ATP8A2: variants seen among roughly 807,000 people sequenced by gnomAD.
ATP8A2 encodes the protein ATPase phospholipid transporting 8A2, also known as phospholipid-transporting ATPase IB.
Under a neutral mutation model 165.6 loss-of-function variants are expected in ATP8A2, and 100 were observed. The observed-to-expected ratio is 0.60, with a 90% CI of 0.51 to 0.71. The LOEUF (loss-of-function observed/expected upper bound fraction) is 0.71. Among genes scored for constraint, ATP8A2 ranks in the 30% least tolerant of loss-of-function variants. The pLI, the probability that ATP8A2 is intolerant of heterozygous loss-of-function variation, is 0.00. For synonymous variants in ATP8A2, 543 were observed against 548.8 expected (o/e 0.99, Z 0.15); for missense variants, 1,227 against 1,479.5 (o/e 0.83, Z 2.80).
At chr13:25,392,015 C>T (rs1387145032) in intron 1 of ATP8A2, among the ~76,000 whole-genome samples, 1 of 152,180 alleles carries the variant, frequency 6.6e-6, no homozygotes, top group Non-Finnish European at 1.5e-5. Flanking sequence ...GCCAATTTGT[C>T]GCTGGGTCTG....
intron 35 of ATP8A2, among the ~76,000 whole-genome samples, chr13:26,007,864 T>C (rs373273188): frequency 7.9e-5 from 12 of 152,134 alleles, no homozygotes; most frequent in African/African-American, 2.9e-4. Flanking sequence ...AACAGAACCC[T>C]ATGCATAAAG....
At chr13:25,640,838 C>T (rs2041500433) in intron 24 of ATP8A2, among the ~76,000 whole-genome samples, 1 of 152,126 alleles carries the variant, frequency 6.6e-6, no homozygotes, top group Non-Finnish European at 1.5e-5. Flanking sequence ...TGATGAACAT[C>T]AATGCAAAAA....
chr13:25,794,683 T>C (rs1438179347), intron 27 of ATP8A2, among the ~76,000 whole-genome samples: 1 of 152,154 alleles, frequency 6.6e-6, no homozygotes, highest in Non-Finnish European at 1.5e-5. Context: ...GTATGCAAAC[T>C]ATATCTAAAA....
intron 2 of ATP8A2, among the ~76,000 whole-genome samples, chr13:25,471,828 G>A (rs2035853838): frequency 6.6e-6 from 1 of 152,188 alleles, no homozygotes; most frequent in African/African-American, 2.4e-5. Context: ...CAGTGGGTTG[G>A]TGAGGAATAA....
chr13:25,999,175 G>T (rs568190451), intron 35 of ATP8A2, among the ~76,000 whole-genome samples: 6 of 152,248 alleles, frequency 3.9e-5, no homozygotes, highest in African/African-American at 1.4e-4. Context: ...GCCCAGGATA[G>T]GTACTGTGAA....
chr13:25,562,385 C>G (rs1053076279), intron 15 of ATP8A2, among the ~76,000 whole-genome samples: 15 of 152,078 alleles, frequency 9.9e-5, no homozygotes, highest in Admixed American at 6.5e-5. Flanking sequence ...AATGGTGATG[C>G]TGTCTGTCTG....
At chr13:25,984,058 C>A (rs1023439474) in intron 35 of ATP8A2, among the ~76,000 whole-genome samples, 1 of 151,650 alleles carries the variant, frequency 6.6e-6, no homozygotes, top group Non-Finnish European at 1.5e-5. Context: ...CATAACGAGA[C>A]CCCCGTCACT....
At chr13:25,436,110 T>A (rs897704030) in intron 1 of ATP8A2, among the ~76,000 whole-genome samples, 1 of 152,114 alleles carries the variant, frequency 6.6e-6, no homozygotes, top group Non-Finnish European at 1.5e-5. Flanking sequence ...TTTTTCATTT[T>A]AAAAAATAAT....
chr13:25,950,687 A>G (rs941882834), intron 33 of ATP8A2: 1 of 152,130 alleles, frequency 6.6e-6, no homozygotes, highest in African/African-American at 2.4e-5. Context: ...AGCTTTATTT[A>G]TTTATTTTTT....
intron 24 of ATP8A2, among the ~76,000 whole-genome samples, chr13:25,592,027 G>GT (rs879612217): frequency 0.014 from 1,428 of 100,994 alleles, 22 homozygotes; most frequent in African/African-American, 0.039. Flanking sequence ...TGCCAACACT[G>GT]GTTTTTTTTT....
chr13:25,987,577 C>T (rs1017783157), intron 35 of ATP8A2, among the ~76,000 whole-genome samples: 2 of 152,164 alleles, frequency 1.3e-5, no homozygotes, highest in African/African-American at 2.4e-5. Context: ...CCTCACTCCC[C>T]GTCACCACTG....
chr13:25,515,111 C>A (rs546626707), intron 2 of ATP8A2, among the ~76,000 whole-genome samples: 1 of 152,322 alleles, frequency 6.6e-6, no homozygotes, highest in African/African-American at 2.4e-5. Context: ...TAAGAGGGAG[C>A]TCCTCCTGCC....
intron 33 of ATP8A2, among the ~76,000 whole-genome samples, chr13:25,960,710 T>C (rs1395892021): frequency 6.6e-6 from 1 of 152,024 alleles, no homozygotes; most frequent in East Asian, 1.9e-4. Flanking sequence ...AGTAAACTCC[T>C]CCCTCCCTCT....
rs1445299435 is a variant in ATP8A2, at chr13:25,737,896, G to C, written c.2385-31150G>C. On this transcript the variant is annotated intron_variant, in intron 25 of 36. Coordinates refer to ENST00000381655, the MANE Select transcript of ATP8A2 (RefSeq NM_016529.6). ...AGACGGGGTTTCACCGTGTTAGCCAGGATGGTCTCGATCTCCTGACCTCGT... is the reference window on the plus strand; with the variant it reads ...AGACGGGGTTTCACCGTGTTAGCCACGATGGTCTCGATCTCCTGACCTCGT... Among the ~76,000 whole-genome samples the C allele has an allele frequency of 5.3e-5, 8 of 152,262 alleles. No individual in the cohort carries two copies. In the South Asian group the frequency reaches 1.5e-3, roughly 28 times the overall value.
At chr13:25,759,722 A>G (rs2138239405) in intron 25 of ATP8A2, among the ~76,000 whole-genome samples, 1 of 152,298 alleles carries the variant, frequency 6.6e-6, no homozygotes, top group Admixed American at 6.5e-5. Flanking sequence ...GCCTTCCTAG[A>G]CTGCTCCATT....
intron 6 of ATP8A2, 48 bp downstream of exon 6, chr13:25,533,361 C>T (rs747637630): frequency 6.7e-6 from 7 of 1,042,530 alleles, no homozygotes; most frequent in Middle Eastern, 2.0e-4. Flanking sequence ...TTTGAAGACG[C>T]GTAATGAATT....
chr13:25,918,442 T>C (rs1593556594), intron 33 of ATP8A2, among the ~76,000 whole-genome samples: 1 of 152,110 alleles, frequency 6.6e-6, no homozygotes, highest in Non-Finnish European at 1.5e-5. Flanking sequence ...AAGAGCCAGA[T>C]CCATGATTAA....
chr13:25,512,677 G>GC (rs1470239041), intron 2 of ATP8A2, among the ~76,000 whole-genome samples: 1 of 147,428 alleles, frequency 6.8e-6, no homozygotes, highest in African/African-American at 2.5e-5. Flanking sequence ...GGCTGGCCGG[G>GC]CGGGGGGCTG....
At chr13:25,413,122 G>A (rs1024426757) in intron 1 of ATP8A2, among the ~76,000 whole-genome samples, 7 of 152,006 alleles carry the variant, frequency 4.6e-5, no homozygotes, top group African/African-American at 1.7e-4. Flanking sequence ...TGGCCCTAAA[G>A]GGATCAGTTT....
Sources: allele counts gnomAD v4.1 joint callset (sites outside exome capture counted in the v4.1 genomes callset), GRCh38; gene constraint gnomAD v4.1.1; transcripts MANE v1.5; gene names NCBI Gene and HGNC (gene_info 2026-07-23, HGNC 2026-07-21).